The following SYNGR4 variants were observed in gnomAD, a reference collection of about 807,000 sequenced individuals.
The protein encoded by SYNGR4 is synaptogyrin 4, also known as synaptogyrin-4.
In SYNGR4, 15 loss-of-function variants were observed where a neutral mutation model predicts 15.5. The ratio of observed to expected loss-of-function variants is 0.97; its 90% CI spans 0.65 to 1.49. The LOEUF is 1.49. Among genes scored for constraint, SYNGR4 ranks in the 40% most tolerant of loss-of-function variants. The pLI is 0.00. For synonymous variants in SYNGR4, 121 were observed against 127.4 expected, an observed-to-expected ratio of 0.95 and a Z score of 0.34; for missense variants, 292 against 299.3, an observed-to-expected ratio of 0.98 and a Z score of 0.18.
At chr19:48,373,850 T>G in intron 3 of SYNGR4, 96 bp downstream of exon 3, 1 of 1,263,182 alleles carries the variant, frequency 7.9e-7, no homozygotes, top group Non-Finnish European at 1.1e-6. Flanking sequence ...CTTCACCACC[T>G]AGCCGGCCTC....
At chr19:48,364,298 G>A, upstream of SYNGR4, 1 of 294,660 alleles carries the variant, frequency 3.4e-6, no homozygotes, top group South Asian at 5.0e-5. Flanking sequence ...GGAGGGGGCG[G>A]GACTTGGGCG....
chr19:48,367,842 T>C (rs1333048146), intron 2 of SYNGR4, among the ~76,000 whole-genome samples: 1 of 152,232 alleles, frequency 6.6e-6, no homozygotes, highest in Non-Finnish European at 1.5e-5. Flanking sequence ...GTTAGGGCTG[T>C]GGCTCTGACC....
chr19:48,375,865 G>A lies in SYNGR4; in HGVS notation c.471+113G>A, dbSNP rs565974276. 6.2e-5 allele frequency: 95 copies of A among 1,529,872 alleles called. 1 individual carries two copies. The highest frequency in any genetic ancestry group is 5.5e-4 in the South Asian group (44 of 79,660). 94.8% of individuals were successfully genotyped at this position (1,529,872 alleles called of 1,614,324 possible). A position where few individuals can be genotyped will look rare whatever the true frequency, so the allele number is the denominator to read the frequency against. On this transcript the variant is annotated intron_variant, in intron 4 of 4. Transcript: ENST00000344846. ...TTAGCTCCCCTGGGGGTCAGGGGTCGGGGGTTCCCCCAGGACTCCACTGGT... is the reference window on the plus strand; with the variant it reads ...TTAGCTCCCCTGGGGGTCAGGGGTCAGGGGTTCCCCCAGGACTCCACTGGT...
chr19:48,372,649 CA>C (rs994483718), intron 2 of SYNGR4, among the ~76,000 whole-genome samples: 27 of 131,700 alleles, frequency 2.1e-4, no homozygotes, highest in Admixed American at 6.1e-4. Flanking sequence ...ACTCTGTCTC[CA>C]AAAAAAAAAA....
intron 2 of SYNGR4, among the ~76,000 whole-genome samples, chr19:48,370,091 A>G (rs549374999): frequency 6.6e-6 from 1 of 150,542 alleles, no homozygotes; most frequent in Admixed American, 6.7e-5. Flanking sequence ...TGCCTCCTCC[A>G]TCTCCACTCT....
At position 48,373,732 on chromosome 19, in the gene SYNGR4, G is replaced by T. The variant is rs773534135; in HGVS notation, c.309G>T (p.Gln103His). 1.9e-6 allele frequency: 3 copies of T among 1,613,820 alleles called. No individual in the cohort carries two copies. The highest frequency in any genetic ancestry group is 2.5e-6 in the Non-Finnish European group (3 of 1,180,012). Residue 103 changes from glutamine to histidine, a missense_variant, in exon 3 of 5, where the codon CAG (glutamine) becomes CAT (histidine). By Grantham distance (24) the Gln-to-His change is conservative (BLOSUM62 0). Coordinates refer to ENST00000344846, the MANE Select transcript of SYNGR4 (RefSeq NM_012451.4). ...GCACCCGCTTCAAGACAGCCTTCCA[G>T]CTCCTGGACTTCATCCTGGCTGGTG... ...IAGTRFKTAFQLLDFILAVLW... is the reference protein window; with the variant it reads ...IAGTRFKTAFHLLDFILAVLW...
In SYNGR4 at chr19:48,375,711, C is replaced by G. The variant is rs1172875165; in HGVS notation, c.430C>G (p.Gln144Glu). 1.2e-6 allele frequency: 2 copies of G among 1,614,034 alleles called. No individual in the cohort carries two copies. Among genetic ancestry groups the G allele is most frequent in the African/African-American group, 1.3e-5 (1 of 75,042 alleles). ...GTTCCTCCTGGGGAGCAGCAGTGCC[C>G]AGGCAGCCATCGCCTTCACCTTCTT... The part of the protein sequence containing the change: ...KEFLLGSSSA[Q>E]AAIAFTFFSI... Residue 144 changes from glutamine to glutamate, a missense_variant, in exon 4 of 5, where the codon CAG becomes GAG. Physicochemically the swap from Gln to Glu is conservative, Grantham distance 29 (BLOSUM62 2). Transcript: ENST00000344846.
At position 48,375,708 on chromosome 19, in the gene SYNGR4, GC is replaced by G; in HGVS notation, c.430del (p.Gln144ArgfsTer44). ...AGAGTTCCTCCTGGGGAGCAGCAGT[GC>G]CCAGGCAGCCATCGCCTTCACCTTC... ...PKEFLLGSSS[A>X]QAAIAFTFFS... On this transcript the variant is annotated frameshift_variant, in exon 4 of 5. Coordinates refer to ENST00000344846, the MANE Select transcript of SYNGR4 (RefSeq NM_012451.4). LOFTEE classifies it low-confidence loss of function (END_TRUNC). The G allele has an allele frequency of 6.2e-7, 1 of 1,614,044 alleles. No homozygotes were observed. The highest frequency in any genetic ancestry group is 8.5e-7 in the Non-Finnish European group (1 of 1,179,934).
chr19:48,368,255 G>A (rs566454675), intron 2 of SYNGR4, among the ~76,000 whole-genome samples: 13 of 152,214 alleles, frequency 8.5e-5, no homozygotes, highest in Admixed American at 5.2e-4. Flanking sequence ...CCTTACTCTC[G>A]TCTGTAAAAA....
Position 48,373,320 on chromosome 19 carries a change from A to T in SYNGR4, c.94-197A>T, listed in dbSNP as rs1235538550. The T allele has an allele frequency of 2.3e-5, 14 of 599,382 alleles. No individual in the cohort carries two copies. In the East Asian group the frequency reaches 3.9e-4, roughly 17 times the overall value. The allele number at this position is 599,382 out of a possible 1,614,324, so 37.1% of individuals were successfully genotyped here. The stretch of plus-strand genomic sequence containing the variant: ...CTGGGGCAAGGGCCAAGGAGAGCAG[A>T]CGAGGCCTGAGCCAGGATGGAGCAG... On this transcript the variant is annotated intron_variant, in intron 2 of 4. Transcript: ENST00000344846.
intron 2 of SYNGR4, among the ~76,000 whole-genome samples, chr19:48,369,768 A>G (rs1970276968): frequency 6.6e-6 from 1 of 152,174 alleles, no homozygotes; most frequent in Non-Finnish European, 1.5e-5. Context: ...GGTAAAATGA[A>G]TATGGGCTCA....
intron 3 of SYNGR4, among the ~76,000 whole-genome samples, chr19:48,374,378 CAA>C (rs1970367578): frequency 6.6e-6 from 1 of 152,198 alleles, no homozygotes; most frequent in Non-Finnish European, 1.5e-5. Flanking sequence ...CACGCCCAGC[CAA>C]AGTCTTGCCT....
Position 48,365,922 on chromosome 19 carries a change from G to C in SYNGR4, c.80G>C (p.Arg27Pro), listed in dbSNP as rs117458497. ...QFLRRPKTIT[R>P]VFEGVFSLIV... ...CTGAGAAGGCCCAAGACCATCACGC[G>C]GGTCTTCGAAGGGGTGAGGCCCTCC... The change falls in exon 2 of 5, where the codon CGG becomes CCG. Residue 27 changes from arginine to proline, a missense_variant. Coordinates refer to ENST00000344846, the MANE Select transcript of SYNGR4 (RefSeq NM_012451.4). 5.6e-6 allele frequency: 9 copies of C among 1,613,472 alleles called. No homozygotes were observed. The African/African-American group carries it at 1.1e-4, about 19-fold the overall frequency.
intron 2 of SYNGR4, among the ~76,000 whole-genome samples, chr19:48,372,150 G>T (rs1970317257): frequency 6.6e-6 from 1 of 152,102 alleles, no homozygotes; most frequent in South Asian, 2.1e-4. Context: ...CTCCCAAAGT[G>T]CTGGAATTAC....
chr19:48,375,738 T>A lies in SYNGR4; in HGVS notation c.457T>A (p.Ser153Thr). The A allele has an allele frequency of 5.6e-6, 9 of 1,613,162 alleles. No individual in the cohort carries two copies. The highest frequency in any genetic ancestry group is 7.6e-6 in the Non-Finnish European group (9 of 1,179,340). The change falls in exon 4 of 5, where the codon TCC (serine) becomes ACC (threonine). Residue 153 changes from serine (S) to threonine (T), a missense_variant. Ser to Thr is a moderately conservative substitution (Grantham distance 58). Coordinates refer to ENST00000344846, the MANE Select transcript of SYNGR4 (RefSeq NM_012451.4). ...AQAAIAFTFF[S>T]ILVWIFQAYL... is the part of the protein sequence containing the mutation. ...GGCAGCCATCGCCTTCACCTTCTTCTCCATCCTTGTCTGGGTGAGGACAAG... is the reference window on the plus strand; with the variant it reads ...GGCAGCCATCGCCTTCACCTTCTTCACCATCCTTGTCTGGGTGAGGACAAG...
chr19:48,365,026 A>C (rs1600937069), intron 1 of SYNGR4, among the ~76,000 whole-genome samples: 4 of 134,634 alleles, frequency 3.0e-5, no homozygotes, highest in Admixed American at 7.4e-5. Context: ...TATGTCCCCC[A>C]CTCCTGGGAC....
chr19:48,375,025 ATTT>A (rs377458221), intron 3 of SYNGR4, among the ~76,000 whole-genome samples: 6 of 129,462 alleles, frequency 4.6e-5, no homozygotes, highest in African/African-American at 1.2e-4. Flanking sequence ...GCTGAGAAAC[ATTT>A]TTTTTTTTTT....
At chr19:48,369,567 A>G (rs1970274684) in intron 2 of SYNGR4, among the ~76,000 whole-genome samples, 1 of 152,116 alleles carries the variant, frequency 6.6e-6, no homozygotes, top group African/African-American at 2.4e-5. Context: ...TTTTCATAGC[A>G]TAGAAACAGA....
intron 2 of SYNGR4, among the ~76,000 whole-genome samples, chr19:48,369,283 T>C (rs1970268620): frequency 7.5e-6 from 1 of 132,994 alleles, no homozygotes; most frequent in African/African-American, 2.8e-5. Flanking sequence ...ATGGAAGGAG[T>C]TTGGACTGAA....
Sources: gnomAD v4.1 joint callset for allele counts (sites outside exome capture counted in the v4.1 genomes callset) on GRCh38, gnomAD v4.1.1 for gene constraint, MANE v1.5 for transcripts, NCBI Gene and HGNC (gene_info 2026-07-23, HGNC 2026-07-21) for gene names.